CDH3: variants seen among roughly 807,000 people sequenced by gnomAD.
The protein encoded by CDH3 is cadherin-3.
CDH3 carries 54 observed loss-of-function variants against 82.0 expected under a neutral mutation model. The observed-to-expected ratio is 0.66, with a 90% CI of 0.53 to 0.83. CDH3 has a LOEUF of 0.83. Ranked by LOEUF, CDH3 falls within the 40% of genes least tolerant of loss-of-function variation. The pLI, the probability that CDH3 is intolerant of heterozygous loss-of-function variation, is 0.00. For synonymous variants in CDH3, 446 were observed against 437.9 expected (o/e 1.02, Z -0.23); for missense variants, 1,054 against 1,084.6 (o/e 0.97, Z 0.40).
chr16:68,706,080 AAAAG>A (rs1408700868), intron 1 of CDH3, among the ~76,000 whole-genome samples: 5 of 151,802 alleles, frequency 3.3e-5, no homozygotes, highest in Middle Eastern at 3.4e-3. Context: ...AAAAAAAAAA[AAAAG>A]AGCCCAGCAC....
At chr16:68,683,867 A>C (rs1451439715) in intron 9 of CDH3, among the ~76,000 whole-genome samples, 1 of 151,400 alleles carries the variant, frequency 6.6e-6, no homozygotes, top group Non-Finnish European at 1.5e-5. Context: ...TGGGAGTTCG[A>C]GACCAGCCTG....
chr16:68,706,464 C>G (rs1961965100), intron 1 of CDH3, among the ~76,000 whole-genome samples: 1 of 151,912 alleles, frequency 6.6e-6, no homozygotes, highest in African/African-American at 2.4e-5. Flanking sequence ...GGAGTACACA[C>G]CTGGGCTGTG....
At chr16:68,653,790 T>G (rs1371325803) in intron 2 of CDH3, among the ~76,000 whole-genome samples, 2 of 149,890 alleles carry the variant, frequency 1.3e-5, no homozygotes, top group East Asian at 4.1e-4. Flanking sequence ...CCCAGGTTCA[T>G]GCCATTCTCC....
chr16:68,711,149 A>T, intron 1 of CDH3, among the ~76,000 whole-genome samples: 1 of 151,826 alleles, frequency 6.6e-6, no homozygotes, highest in East Asian at 1.9e-4. Flanking sequence ...TGTCCCTACT[A>T]AAAATACAAA....
intron 2 of CDH3, among the ~76,000 whole-genome samples, chr16:68,647,829 G>T (rs1209286362): frequency 2.1e-5 from 3 of 144,156 alleles, no homozygotes; most frequent in African/African-American, 8.8e-5. Context: ...ATCCAGCCAC[G>T]TTGAAAGGGT....
chr16:68,650,355 A>G (rs536479519), intron 2 of CDH3, among the ~76,000 whole-genome samples: 2 of 152,162 alleles, frequency 1.3e-5, no homozygotes, highest in Admixed American at 6.5e-5. Context: ...CCCAGGCTGG[A>G]GTGCAATGGC....
downstream of CDH3, chr16:68,700,314 G>C (rs894282309): frequency 6.6e-6 from 1 of 152,202 alleles, no homozygotes; most frequent in Non-Finnish European, 1.5e-5. Flanking sequence ...TCTGTAAAGC[G>C]TCTCTGCTCA....
At chr16:68,708,262 G>T (rs893278777) in intron 1 of CDH3, among the ~76,000 whole-genome samples, 1 of 151,938 alleles carries the variant, frequency 6.6e-6, no homozygotes, top group African/African-American at 2.4e-5. Context: ...GGGAGGTGGA[G>T]GTTGCAGCAA....
At chr16:68,732,884 T>G in the CDH3 span, among the ~76,000 whole-genome samples, 1 of 145,234 alleles carries the variant, frequency 6.9e-6, no homozygotes. Flanking sequence ...TTCGAAATGA[T>G]GAGCTGGCCG....
chr16:68,681,998 A>T (rs1961241907), intron 8 of CDH3, among the ~76,000 whole-genome samples: 1 of 152,094 alleles, frequency 6.6e-6, no homozygotes, highest in Non-Finnish European at 1.5e-5. Flanking sequence ...TTCTGATCTC[A>T]GCTGGATAGA....
intron 11 of CDH3, among the ~76,000 whole-genome samples, chr16:68,687,198 G>A (rs532571517): frequency 6.6e-6 from 1 of 152,322 alleles, no homozygotes; most frequent in South Asian, 2.1e-4. Flanking sequence ...AGAGGTTGCA[G>A]CAGGGCTGTG....
chr16:68,689,005 T>C (rs1424905959), intron 12 of CDH3, among the ~76,000 whole-genome samples: 1 of 152,238 alleles, frequency 6.6e-6, no homozygotes, highest in African/African-American at 2.4e-5. Flanking sequence ...CCAGTGTTAT[T>C]AATACCTGTA....
chr16:68,695,896 A>G lies in CDH3; in HGVS notation c.2253A>G (p.Pro751=), dbSNP rs747173314. Residue 751 remains proline, a synonymous_variant, in exon 15 of 16, where the codon CCA becomes CCG. Coordinates refer to ENST00000264012, the MANE Select transcript of CDH3 (RefSeq NM_001793.6). The stretch of plus-strand genomic sequence containing the variant: ...TGTACCGTCCTCGGCCAGCCAACCC[A>G]GATGAAATCGGCAACTTTATAATTG... ...TPMYRPRPAN[P]DEIGNFIIEN... 1 of 1,614,186 alleles carries G rather than the reference A, an allele frequency of 6.2e-7. No homozygotes were observed. The highest frequency in any genetic ancestry group is 8.5e-7 in the Non-Finnish European group (1 of 1,180,040).
intron 3 of CDH3, among the ~76,000 whole-genome samples, chr16:68,677,459 C>T (rs1408529201): frequency 2.0e-5 from 3 of 152,182 alleles, no homozygotes; most frequent in African/African-American, 7.2e-5. Flanking sequence ...AAAATCAGGC[C>T]GAATGCGGTG....
At chr16:68,722,097 T>A (rs1962171502) in intron 1 of CDH3, among the ~76,000 whole-genome samples, 1 of 152,026 alleles carries the variant, frequency 6.6e-6, no homozygotes, top group Non-Finnish European at 1.5e-5. Flanking sequence ...AACAACAACA[T>A]CAACAACAAC....
At chr16:68,706,544 CTTTTTTTTTT>C (rs34364461) in intron 1 of CDH3, among the ~76,000 whole-genome samples, 11 of 81,628 alleles carry the variant, frequency 1.3e-4, no homozygotes, top group Admixed American at 1.3e-3. Context: ...GTCACATTTC[CTTTTTTTTTT>C]TTTTTTTTTT....
intron 15 of CDH3, 49 bp downstream of exon 15, chr16:68,695,972 A>T (rs748546664): frequency 6.3e-7 from 1 of 1,597,312 alleles, no homozygotes. Flanking sequence ...CAAGCCCAGC[A>T]CCAGCCACAC....
intron 15 of CDH3, 161 bp from the exon 16 acceptor site, chr16:68,698,030 C>T (rs1467359550): frequency 1.4e-6 from 1 of 734,324 alleles, no homozygotes; most frequent in Non-Finnish European, 2.4e-6. Flanking sequence ...GTCTGCTGGT[C>T]CCTGAGTGAA....
chr16:68,701,552 T>C (rs1961894231), downstream of CDH3, among the ~76,000 whole-genome samples: 1 of 150,828 alleles, frequency 6.6e-6, no homozygotes, highest in Admixed American at 6.6e-5. Context: ...CAATTTTTTT[T>C]TTTTTTTTTT....
Sources: gnomAD v4.1 joint callset for allele counts (sites outside exome capture counted in the v4.1 genomes callset) on GRCh38, gnomAD v4.1.1 for gene constraint, MANE v1.5 for transcripts, NCBI Gene and HGNC (gene_info 2026-07-23, HGNC 2026-07-21) for gene names.